Variants in FBXO22 observed in about 807,000 individuals in gnomAD.
FBXO22 encodes F-box protein 22, also known as F-box only protein 22.
Under a neutral mutation model 37.2 loss-of-function variants are expected in FBXO22, and 13 were observed. That is an observed-to-expected ratio of 0.35 (90% CI 0.23 to 0.56). The LOEUF (loss-of-function observed/expected upper bound fraction) is 0.56, where lower values mean the gene tolerates loss of function less well. Among genes scored for constraint, FBXO22 ranks in the 20% least tolerant of loss-of-function variants. The pLI, the probability that FBXO22 is intolerant of heterozygous loss-of-function variation, is 0.87. For missense variants in FBXO22, 446 were observed against 509.9 expected, an observed-to-expected ratio of 0.87 and a Z score of 1.21; for synonymous variants, 189 against 189.1, an observed-to-expected ratio of 1.00 and a Z score of 0.00.
chr15:75,929,230 T>C (rs571294792), intron 5 of FBXO22, among the ~76,000 whole-genome samples: 246 of 152,218 alleles, frequency 1.6e-3, no homozygotes, highest in African/African-American at 5.6e-3. Flanking sequence ...GACACTGTCA[T>C]TGGATTTAGA....
At chr15:75,928,569 C>G (rs975800004) in intron 5 of FBXO22, among the ~76,000 whole-genome samples, 1 of 152,132 alleles carries the variant, frequency 6.6e-6, no homozygotes, top group African/African-American at 2.4e-5. Context: ...ACAACAGACA[C>G]TGGGGCCTAC....
At chr15:75,910,238 G>T (rs1900024009) in intron 2 of FBXO22, 1 of 152,212 alleles carries the variant, frequency 6.6e-6, no homozygotes, top group Non-Finnish European at 1.5e-5. Context: ...GCATATGCAT[G>T]TGTCTTTATA....
At chr15:75,915,942 A>G (rs1322179236) in intron 4 of FBXO22, among the ~76,000 whole-genome samples, 1 of 149,366 alleles carries the variant, frequency 6.7e-6, no homozygotes, top group South Asian at 2.1e-4. Context: ...ATGGTGGCTC[A>G]TGCCTGTAAT....
At chr15:75,922,046 T>TC (rs2141717596) in intron 5 of FBXO22, among the ~76,000 whole-genome samples, 2 of 152,190 alleles carry the variant, frequency 1.3e-5, no homozygotes, top group African/African-American at 4.8e-5. Flanking sequence ...CAATTAAAAG[T>TC]ATAGGATAGT....
At chr15:75,909,727 A>G (rs1595911109) in intron 2 of FBXO22, among the ~76,000 whole-genome samples, 2 of 151,846 alleles carry the variant, frequency 1.3e-5, no homozygotes, top group Admixed American at 1.3e-4. Flanking sequence ...GAATGCCAAC[A>G]TTGACCTGAA....
intron 3 of FBXO22, 127 bp from the exon 4 acceptor site, chr15:75,913,983 A>G (rs1900126903): frequency 1.5e-6 from 1 of 645,692 alleles, no homozygotes; most frequent in Non-Finnish European, 2.7e-6. Flanking sequence ...ATGCTTTTAG[A>G]CCTTTATTTA....
At position 75,903,892 on chromosome 15, in the gene FBXO22, G is replaced by C. The variant is rs529605221; in HGVS notation, c.-72G>C. 4 of 1,402,988 alleles carry C rather than the reference G, an allele frequency of 2.9e-6. No homozygotes were observed. Among genetic ancestry groups the C allele is most frequent in the Non-Finnish European group, 3.7e-6 (4 of 1,077,418 alleles). The allele number at this position is 1,402,988 out of a possible 1,614,324, so 86.9% of individuals were successfully genotyped here. A position where few individuals can be genotyped will look rare whatever the true frequency, so the allele number is the denominator to read the frequency against. Reference sequence around the variant, plus strand: ...GACGCCTGCTCAGTGCGCGCCGGCCGGGCAACCCTATGCTGGCGTAATCGG... The same window carrying C: ...GACGCCTGCTCAGTGCGCGCCGGCCCGGCAACCCTATGCTGGCGTAATCGG... On this transcript the variant is annotated 5_prime_UTR_variant, in exon 1 of 7. Transcript: ENST00000308275.
chr15:75,925,675 TA>T (rs371276673), intron 5 of FBXO22, among the ~76,000 whole-genome samples: 88 of 137,390 alleles, frequency 6.4e-4, no homozygotes, highest in Non-Finnish European at 5.6e-4. Flanking sequence ...AAGCTAGTGT[TA>T]AAAAAAAAAA....
intron 6 of FBXO22, among the ~76,000 whole-genome samples, chr15:75,931,547 A>C (rs1304805858): frequency 1.3e-5 from 2 of 152,072 alleles, no homozygotes. Context: ...CCCCTCACAA[A>C]CTTGTTTTAC....
intron 5 of FBXO22, among the ~76,000 whole-genome samples, chr15:75,927,532 G>A (rs549293027): frequency 6.6e-6 from 1 of 152,258 alleles, no homozygotes; most frequent in African/African-American, 2.4e-5. Context: ...GGCAGTCCTT[G>A]TTTGTAAAAT....
At chr15:75,919,250 G>A (rs947018593) in intron 5 of FBXO22, among the ~76,000 whole-genome samples, 2 of 152,162 alleles carry the variant, frequency 1.3e-5, no homozygotes, top group African/African-American at 4.8e-5. Context: ...GGGATTACAG[G>A]TGTGAGCCAT....
At chr15:75,913,355 A>G (rs1687313222) in intron 3 of FBXO22, 65 bp downstream of exon 3, 5 of 1,092,614 alleles carry the variant, frequency 4.6e-6, no homozygotes, top group South Asian at 2.6e-5. Flanking sequence ...TCGGAGTTCA[A>G]TATTATACTT....
rs563991412 is a variant in FBXO22 at position 75,942,021 on chromosome 15, A to G, written c.*8919A>G. ...GCAGGGGGTGGGGTATTTAGTCACA[A>G]GACATAGAGGAACTTTAAGTGTATA... On this transcript the variant is annotated 3_prime_UTR_variant, in exon 7 of 7. Coordinates refer to ENST00000308275, the MANE Select transcript of FBXO22 (RefSeq NM_147188.3). 1.3e-4 allele frequency: 20 copies of G among 150,064 alleles called. No homozygotes were observed. Among genetic ancestry groups the G allele is most frequent in the African/African-American group, 4.9e-4 (20 of 40,852 alleles). 9.3% of individuals were successfully genotyped at this position (150,064 alleles called of 1,614,324 possible).
chr15:75,914,497 T>C (rs1025992702), intron 4 of FBXO22, among the ~76,000 whole-genome samples: 1 of 151,968 alleles, frequency 6.6e-6, no homozygotes, highest in Non-Finnish European at 1.5e-5. Context: ...ATTTTCAGAG[T>C]TTTGTCAGTT....
intron 6 of FBXO22, 111 bp downstream of exon 6, chr15:75,930,160 ATAGT>A (rs2029963600): frequency 2.6e-6 from 4 of 1,560,968 alleles, no homozygotes; most frequent in South Asian, 1.2e-5. Context: ...TATTAAGATA[ATAGT>A]TCATTCCATT....
chr15:75,912,204 A>G (rs897112020), intron 2 of FBXO22, among the ~76,000 whole-genome samples: 5 of 151,862 alleles, frequency 3.3e-5, no homozygotes, highest in African/African-American at 1.2e-4. Flanking sequence ...TCATATCGAT[A>G]TTCAGGGATA....
rs1019514620 is a variant in FBXO22 at position 75,904,638 on chromosome 15, C to T, written c.279+9C>T. On this transcript the variant is annotated intron_variant, in intron 2 of 6. Coordinates refer to ENST00000308275, the MANE Select transcript of FBXO22 (RefSeq NM_147188.3). Reference sequence around the variant, plus strand: ...TAGCAGAGGAGCTTGAGGCAAGTAGCAAGGGGTGTCATGCACAGTCATTTG... The same window carrying T: ...TAGCAGAGGAGCTTGAGGCAAGTAGTAAGGGGTGTCATGCACAGTCATTTG... 1.9e-6 allele frequency: 3 copies of T among 1,597,524 alleles called. No individual in the cohort carries two copies. The highest frequency in any genetic ancestry group is 2.6e-6 in the Non-Finnish European group (3 of 1,169,792).
Position 75,917,226 on chromosome 15 carries a change from C to G in FBXO22, c.464-4C>G, listed in dbSNP as rs16967653. The G allele has an allele frequency of 1.9e-6, 3 of 1,603,306 alleles. No individual in the cohort carries two copies. The highest frequency in any genetic ancestry group is 4.5e-5 in the East Asian group (2 of 44,698). On this transcript the variant is annotated splice_polypyrimidine_tract_variant and splice_region_variant and intron_variant, in intron 4 of 6. Transcript: ENST00000308275. The stretch of plus-strand genomic sequence containing the variant: ...TTGGTGAAACTGTTTAACTTTTTCT[C>G]TAGTGACTCCAATGGGATCAGGTAG...
At position 75,914,640 on chromosome 15, in the gene FBXO22, C is replaced by T. The variant is rs182020465; in HGVS notation, c.463+435C>T. Among the ~76,000 whole-genome samples the T allele has an allele frequency of 1.2e-3, 182 of 152,266 alleles. 1 individual carries two copies. Among genetic ancestry groups the T allele is most frequent in the African/African-American group, 4.1e-3 (170 of 41,554 alleles). On this transcript the variant is annotated intron_variant, in intron 4 of 6. Transcript: ENST00000308275. Reference sequence around the variant, plus strand: ...ATGTTTACAGCATGAGGTTGTGCCCCTTTCCATGCTTGATTGCTGCTGGTG... The same window carrying T: ...ATGTTTACAGCATGAGGTTGTGCCCTTTTCCATGCTTGATTGCTGCTGGTG...
Sources: allele counts gnomAD v4.1 joint callset (sites outside exome capture counted in the v4.1 genomes callset), GRCh38; gene constraint gnomAD v4.1.1; transcripts MANE v1.5; gene names NCBI Gene and HGNC (gene_info 2026-07-23, HGNC 2026-07-21).